Variants in COMMD10 observed in about 807,000 individuals in gnomAD.
COMMD10 encodes the protein COMM domain containing 10, also known as COMM domain-containing protein 10.
In COMMD10, 33 loss-of-function variants were observed where a neutral mutation model predicts 28.9. The observed-to-expected ratio is 1.14, with a 90% CI of 0.87 to 1.53. COMMD10 has a LOEUF of 1.53. COMMD10 is among the 40% of genes most tolerant of loss of function. The probability of loss-of-function intolerance (pLI) is 0.00; values close to 1 mark genes in which losing one functional copy is unlikely to be tolerated. For synonymous variants in COMMD10, 110 were observed against 81.7 expected, an observed-to-expected ratio of 1.35 and a Z score of -1.87; for missense variants, 310 against 233.4, an observed-to-expected ratio of 1.33 and a Z score of -2.14.
intron 3 of COMMD10, 28 bp downstream of exon 3, chr5:116,091,217 C>G: frequency 7.8e-7 from 1 of 1,280,046 alleles, no homozygotes; most frequent in Non-Finnish European, 1.1e-6. Flanking sequence ...AATTTTCTAG[C>G]CATGATTTGT....
At chr5:116,281,403 G>C (rs1441773390) in intron 5 of COMMD10, among the ~76,000 whole-genome samples, 1 of 151,656 alleles carries the variant, frequency 6.6e-6, no homozygotes, top group Non-Finnish European at 1.5e-5. Context: ...AAAGGAATGG[G>C]TGGTGAACAA....
chr5:116,125,873 A>G (rs1027946991), intron 4 of COMMD10, among the ~76,000 whole-genome samples: 4 of 152,188 alleles, frequency 2.6e-5, no homozygotes, highest in Non-Finnish European at 5.9e-5. Context: ...GGCACAAGAC[A>G]GGGATGCCCT....
At chr5:116,191,898 C>G (rs1232606723) in intron 5 of COMMD10, among the ~76,000 whole-genome samples, 1 of 151,000 alleles carries the variant, frequency 6.6e-6, no homozygotes, top group Non-Finnish European at 1.5e-5. Context: ...TTGCACAACC[C>G]CCCATCCTCC....
At position 116,254,088 on chromosome 5, in the gene COMMD10, G is replaced by C. The variant is rs1750205759; in HGVS notation, c.511-37429G>C. On this transcript the variant is annotated intron_variant, in intron 5 of 6. Coordinates refer to ENST00000274458, the MANE Select transcript of COMMD10 (RefSeq NM_016144.4). Reference sequence around the variant, plus strand: ...AGATTTTCTAGTTTATTTGCATAGAGGTGTTTGTAGTATTCTCTGATGGTA... The same window carrying C: ...AGATTTTCTAGTTTATTTGCATAGACGTGTTTGTAGTATTCTCTGATGGTA... 2.0e-5 allele frequency among the ~76,000 whole-genome samples: 3 copies of C among 152,226 alleles called. No homozygotes were observed. The South Asian group carries it at 6.2e-4, about 32-fold the overall frequency.
intron 5 of COMMD10, among the ~76,000 whole-genome samples, chr5:116,205,766 C>G (rs1332310108): frequency 6.6e-6 from 1 of 152,008 alleles, no homozygotes; most frequent in Non-Finnish European, 1.5e-5. Context: ...TATAACAGTT[C>G]CTTTCAGCTT....
intron 5 of COMMD10, among the ~76,000 whole-genome samples, chr5:116,181,886 A>T (rs186790270): frequency 6.6e-6 from 1 of 152,070 alleles, no homozygotes; most frequent in Non-Finnish European, 1.5e-5. Context: ...CTAAACATCT[A>T]ATATGTGCCA....
At chr5:116,218,731 A>G (rs1749168192) in intron 5 of COMMD10, among the ~76,000 whole-genome samples, 3 of 152,128 alleles carry the variant, frequency 2.0e-5, no homozygotes, top group South Asian at 4.1e-4. Context: ...AATAAATACT[A>G]TGAGAACATT....
chr5:116,136,089 T>G (rs1391381047), intron 5 of COMMD10, among the ~76,000 whole-genome samples: 1 of 152,136 alleles, frequency 6.6e-6, no homozygotes, highest in Non-Finnish European at 1.5e-5. Context: ...AATAAAGAAA[T>G]CAATCCATTT....
At chr5:116,282,847 C>T (rs977229734) in intron 5 of COMMD10, among the ~76,000 whole-genome samples, 2 of 151,866 alleles carry the variant, frequency 1.3e-5, no homozygotes, top group African/African-American at 4.9e-5. Context: ...AAAGTCACCT[C>T]CTGTGGTACT....
intron 5 of COMMD10, among the ~76,000 whole-genome samples, chr5:116,209,156 A>G (rs1314280245): frequency 6.6e-6 from 1 of 152,120 alleles, no homozygotes; most frequent in Admixed American, 6.5e-5. Context: ...TGCACATTAT[A>G]TGCTGTACTT....
chr5:116,118,575 C>G (rs1751318855), intron 4 of COMMD10, among the ~76,000 whole-genome samples: 1 of 152,064 alleles, frequency 6.6e-6, no homozygotes, highest in South Asian at 2.1e-4. Context: ...TTTGTATTTC[C>G]TAATATTCTT....
At chr5:116,212,496 C>CTGTGTGTGTGTGTGTGTGTGTGTGTGTG (rs11268771) in intron 5 of COMMD10, among the ~76,000 whole-genome samples, 885 of 63,802 alleles carry the variant, frequency 0.014, 38 homozygotes, top group East Asian at 0.051. Flanking sequence ...TACTGAAATG[C>CTGTGTGTGTGTGTGTGTGTGTGTGTGTG]TGTGTGTGTG....
intron 3 of COMMD10, among the ~76,000 whole-genome samples, chr5:116,091,855 T>C (rs772424588): frequency 7.9e-5 from 12 of 152,200 alleles, no homozygotes; most frequent in Non-Finnish European, 1.5e-4. Context: ...AAATAATACT[T>C]GTGAAATAAA....
chr5:116,268,544 G>A (rs6861437), intron 5 of COMMD10, among the ~76,000 whole-genome samples: 76,174 of 151,744 alleles, frequency 0.5, 22,294 homozygotes, highest in Non-Finnish European at 0.65. Context: ...ACAGTGTGGC[G>A]ATTCCTCAAG....
intron 5 of COMMD10, among the ~76,000 whole-genome samples, chr5:116,275,883 T>TA (rs1249694133): frequency 6.6e-6 from 1 of 151,538 alleles, no homozygotes; most frequent in East Asian, 1.9e-4. Context: ...TTATAAGTAA[T>TA]ATAAGTATCC....
chr5:116,271,848 A>G (rs1293969835), intron 5 of COMMD10, among the ~76,000 whole-genome samples: 1 of 151,894 alleles, frequency 6.6e-6, no homozygotes, highest in Non-Finnish European at 1.5e-5. Flanking sequence ...CCACTTTTAC[A>G]AAATCATTTA....
At chr5:116,100,472 A>G (rs748668457) in intron 4 of COMMD10, among the ~76,000 whole-genome samples, 62 of 145,736 alleles carry the variant, frequency 4.3e-4, no homozygotes, top group Middle Eastern at 3.7e-3. Context: ...TCTTTAATTC[A>G]TTTTTAGTTA....
chr5:116,273,869 TAATA>T (rs1204164726), intron 5 of COMMD10, among the ~76,000 whole-genome samples: 1 of 151,662 alleles, frequency 6.6e-6, no homozygotes, highest in African/African-American at 2.4e-5. Flanking sequence ...CATTTATTAT[TAATA>T]AACTACAGAA....
intron 1 of COMMD10, chr5:116,085,401 T>G: frequency 5.0e-6 from 2 of 401,520 alleles, no homozygotes; most frequent in Non-Finnish European, 4.5e-6. Context: ...GTATCAGAAG[T>G]TCCCGGGTGC....
Sources: allele counts gnomAD v4.1 joint callset (sites outside exome capture counted in the v4.1 genomes callset), GRCh38; gene constraint gnomAD v4.1.1; transcripts MANE v1.5; gene names NCBI Gene and HGNC (gene_info 2026-07-23, HGNC 2026-07-21).